ZNF277: variants seen among roughly 807,000 people sequenced by gnomAD.
ZNF277 encodes nuclear receptor-interacting factor 4.
A neutral mutation model predicts 60.7 loss-of-function variants in ZNF277; 55 were observed. The observed-to-expected ratio is 0.91, with a 90% CI of 0.73 to 1.13. ZNF277 has a LOEUF of 1.13. Among genes scored for constraint, ZNF277 ranks in the 50% most tolerant of loss-of-function variants. ZNF277 has a pLI of 0.00. For synonymous variants in ZNF277, 178 were observed against 179.3 expected, an observed-to-expected ratio of 0.99 and a Z score of 0.06; for missense variants, 510 against 523.0, an observed-to-expected ratio of 0.98 and a Z score of 0.24.
rs1012362939 is a variant in ZNF277, at chr7:112,241,402, A to G, written c.91+34595A>G. On this transcript the variant is annotated intron_variant, in intron 1 of 11. Coordinates refer to ENST00000361822, the MANE Select transcript of ZNF277 (RefSeq NM_021994.3). Reference sequence around the variant, plus strand: ...TGTGGAGAAAGGGGAGCTCTCGTACACTGTGGGAACATAAATTAGTGCAAC... The same window carrying G: ...TGTGGAGAAAGGGGAGCTCTCGTACGCTGTGGGAACATAAATTAGTGCAAC... 3.0e-4 allele frequency among the ~76,000 whole-genome samples: 45 copies of G among 152,168 alleles called. 1 individual carries two copies. Among genetic ancestry groups the G allele is most frequent in the Non-Finnish European group, 1.0e-4 (7 of 68,002 alleles).
intron 4 of ZNF277, among the ~76,000 whole-genome samples, chr7:112,313,757 A>G (rs925408128): frequency 6.6e-6 from 1 of 152,124 alleles, no homozygotes; most frequent in Non-Finnish European, 1.5e-5. Context: ...GAAGCTCTTC[A>G]TTTTACTTTA....
chr7:112,286,848 T>TTTTTTTTTTTTTTTTTTTTTTG, intron 1 of ZNF277, 25 bp from the exon 2 acceptor site: 1 of 1,344,862 alleles, frequency 7.4e-7, no homozygotes, highest in South Asian at 1.8e-5. Context: ...TTTCTTTTTT[T>TTTTTTTTTTTTTTTTTTTTTTG]TTTTTTTTTT....
At chr7:112,292,617 G>A (rs184950614) in intron 2 of ZNF277, among the ~76,000 whole-genome samples, 7 of 152,110 alleles carry the variant, frequency 4.6e-5, no homozygotes, top group Admixed American at 3.3e-4. Flanking sequence ...GTACCGATTC[G>A]TCCCCACATG....
intron 2 of ZNF277, chr7:112,288,751 T>G (rs1227807393): frequency 6.4e-6 from 1 of 155,936 alleles, no homozygotes; most frequent in African/African-American, 2.4e-5. Flanking sequence ...CTCCCAAAGC[T>G]GTGTTCTCAG....
At chr7:112,256,421 GTTTT>G (rs779126085) in intron 1 of ZNF277, among the ~76,000 whole-genome samples, 2 of 95,384 alleles carry the variant, frequency 2.1e-5, no homozygotes, top group African/African-American at 9.1e-5. Flanking sequence ...CTTCTTTGGA[GTTTT>G]TTTTTTTTTT....
At chr7:112,311,332 C>A (rs1397098072) in intron 4 of ZNF277, among the ~76,000 whole-genome samples, 4 of 152,056 alleles carry the variant, frequency 2.6e-5, no homozygotes. Flanking sequence ...TATGACTCTG[C>A]CTAACACATA....
At chr7:112,320,346 GATAA>G (rs1201523372) in intron 5 of ZNF277, among the ~76,000 whole-genome samples, 7 of 152,032 alleles carry the variant, frequency 4.6e-5, no homozygotes, top group Non-Finnish European at 1.0e-4. Context: ...CAGTGAGAAA[GATAA>G]ATAGTGTCTA....
intron 1 of ZNF277, among the ~76,000 whole-genome samples, chr7:112,228,355 A>T (rs923626517): frequency 4.7e-5 from 7 of 150,504 alleles, no homozygotes; most frequent in African/African-American, 1.5e-4. Flanking sequence ...AACTACGTCT[A>T]TTGAATATAT....
intron 1 of ZNF277, among the ~76,000 whole-genome samples, chr7:112,221,290 C>T (rs1822023899): frequency 6.6e-6 from 1 of 152,122 alleles, no homozygotes; most frequent in Non-Finnish European, 1.5e-5. Context: ...CACCATGTGG[C>T]CTAAGATTCC....
chr7:112,274,262 A>T (rs951109977), intron 1 of ZNF277, among the ~76,000 whole-genome samples: 4 of 151,938 alleles, frequency 2.6e-5, no homozygotes, highest in Non-Finnish European at 5.9e-5. Context: ...GGCCCAAGCA[A>T]TCCTCTCACC....
chr7:112,327,332 A>C (rs2117125618), intron 5 of ZNF277, among the ~76,000 whole-genome samples: 1 of 152,262 alleles, frequency 6.6e-6, no homozygotes, highest in South Asian at 2.1e-4. Flanking sequence ...TCCTATGAGA[A>C]TCTAATGCCA....
chr7:112,318,010 G>A (rs1792878503), intron 4 of ZNF277, among the ~76,000 whole-genome samples, 172 bp from the exon 5 acceptor site: 1 of 152,002 alleles, frequency 6.6e-6, no homozygotes, highest in African/African-American at 2.4e-5. Flanking sequence ...GCATTTTATG[G>A]GACAGACTTG....
chr7:112,281,078 T>A (rs1791933212), intron 1 of ZNF277, among the ~76,000 whole-genome samples: 1 of 152,232 alleles, frequency 6.6e-6, no homozygotes, highest in African/African-American at 2.4e-5. Flanking sequence ...GACTGTCAGA[T>A]AAGCCTTGCC....
rs1793481814 is a variant in ZNF277, at chr7:112,343,419, C to T, written c.*690C>T. ...ATTTTTTAAAAACATAACCACAATACCATTATGACACCTAAAAAACATTAA... is the reference window on the plus strand; with the variant it reads ...ATTTTTTAAAAACATAACCACAATATCATTATGACACCTAAAAAACATTAA... On this transcript the variant is annotated 3_prime_UTR_variant, in exon 12 of 12. Transcript: ENST00000361822. Among the ~76,000 whole-genome samples, 1 of 152,096 alleles carries T rather than the reference C, an allele frequency of 6.6e-6. No homozygotes were observed. Among genetic ancestry groups the T allele is most frequent in the South Asian group, 2.1e-4 (1 of 4,832 alleles).
chr7:112,251,242 T>G lies in ZNF277; in HGVS notation c.92-35631T>G, dbSNP rs555949979. 2.6e-5 allele frequency among the ~76,000 whole-genome samples: 4 copies of G among 152,290 alleles called. No individual in the cohort carries two copies. The East Asian group carries it at 5.8e-4, about 22-fold the overall frequency. Reference sequence around the variant, plus strand: ...TGCTAAATTTAATGATTTTTAACTCTAATCCCAGAGATGCCTAAGATCCAA... The same window carrying G: ...TGCTAAATTTAATGATTTTTAACTCGAATCCCAGAGATGCCTAAGATCCAA... On this transcript the variant is annotated intron_variant, in intron 1 of 11. Transcript: ENST00000361822.
intron 1 of ZNF277, among the ~76,000 whole-genome samples, chr7:112,228,453 CCTTT>C (rs1822232672): frequency 1.2e-5 from 1 of 86,230 alleles, no homozygotes; most frequent in Admixed American, 1.7e-4. Context: ...AGAGGAGAGG[CCTTT>C]TTTTTTTTTT....
chr7:112,310,225 C>G (rs1792690486), intron 4 of ZNF277, among the ~76,000 whole-genome samples: 1 of 152,000 alleles, frequency 6.6e-6, no homozygotes, highest in Non-Finnish European at 1.5e-5. Flanking sequence ...ATGGCCAGTT[C>G]CCATCCTGAG....
intron 1 of ZNF277, among the ~76,000 whole-genome samples, chr7:112,239,424 G>A (rs545660825): frequency 1.4e-4 from 21 of 152,208 alleles, no homozygotes; most frequent in Admixed American, 2.6e-4. Flanking sequence ...CCTCTGGTGA[G>A]ACCCAGTACT....
chr7:112,224,421 A>G lies in ZNF277; in HGVS notation c.91+17614A>G, dbSNP rs1301557468. Reference sequence around the variant, plus strand: ...AGGGATTGGATAAGCTTGTGAGGAAACAACACCTCAGTATAGAACTGGGCT... The same window carrying G: ...AGGGATTGGATAAGCTTGTGAGGAAGCAACACCTCAGTATAGAACTGGGCT... On this transcript the variant is annotated intron_variant, in intron 1 of 11. Coordinates refer to ENST00000361822, the MANE Select transcript of ZNF277 (RefSeq NM_021994.3). 3.3e-5 allele frequency among the ~76,000 whole-genome samples: 5 copies of G among 152,376 alleles called. 1 individual carries two copies. The highest frequency in any genetic ancestry group is 1.2e-4 in the African/African-American group (5 of 41,584).
Sources: gnomAD v4.1 joint callset for allele counts (sites outside exome capture counted in the v4.1 genomes callset) on GRCh38, gnomAD v4.1.1 for gene constraint, MANE v1.5 for transcripts, NCBI Gene and HGNC (gene_info 2026-07-23, HGNC 2026-07-21) for gene names.